NBAS: variants seen among roughly 807,000 people sequenced by gnomAD.
The protein encoded by NBAS is NBAS subunit of NRZ tethering complex, also known as NAG/BC035112 fusion.
A neutral mutation model predicts 302.5 loss-of-function variants in NBAS; 219 were observed. That is an observed-to-expected ratio of 0.72 (90% CI 0.65 to 0.81). The LOEUF is 0.81. Among genes scored for constraint, NBAS ranks in the 30% least tolerant of loss-of-function variants. The pLI is 0.00. For missense variants in NBAS, 2,932 were observed against 2,841.6 expected (o/e 1.03, Z -0.72); for synonymous variants, 1,118 against 1,021.6 (o/e 1.09, Z -1.80).
intron 26 of NBAS, among the ~76,000 whole-genome samples, chr2:15,398,329 G>C (rs887801057): frequency 6.6e-6 from 1 of 151,990 alleles, no homozygotes; most frequent in Admixed American, 6.6e-5. Context: ...TTTTTTTGTA[G>C]AGATGGGGTC....
At chr2:14,986,591 T>C in the NBAS span, among the ~76,000 whole-genome samples, 11 of 152,156 alleles carry the variant, frequency 7.2e-5, no homozygotes, top group African/African-American at 2.7e-4. Flanking sequence ...TATTTCACAG[T>C]ACCAATTTTC....
the NBAS span, among the ~76,000 whole-genome samples, chr2:15,011,181 A>G: frequency 1.3e-5 from 2 of 152,010 alleles, no homozygotes; most frequent in Non-Finnish European, 2.9e-5. Flanking sequence ...AATTCCTGAC[A>G]TGGTTTAGGG....
intron 1 of NBAS, among the ~76,000 whole-genome samples, chr2:15,560,640 A>C (rs183584722): frequency 1.5e-3 from 230 of 151,970 alleles, no homozygotes; most frequent in African/African-American, 5.4e-3. Context: ...ATTGAAACAC[A>C]CAAGACCTGG....
At chr2:15,102,000 C>A in the NBAS span, among the ~76,000 whole-genome samples, 1 of 152,186 alleles carries the variant, frequency 6.6e-6, no homozygotes, top group South Asian at 2.1e-4. Flanking sequence ...TGACCTCCTG[C>A]CTTCAAGACC....
the NBAS span, among the ~76,000 whole-genome samples, chr2:15,003,363 G>C: frequency 6.6e-6 from 1 of 152,160 alleles, no homozygotes; most frequent in African/African-American, 2.4e-5. Flanking sequence ...TCATGCTTTT[G>C]ATAAATACAC....
intron 38 of NBAS, among the ~76,000 whole-genome samples, chr2:15,316,239 T>C (rs1395335822): frequency 6.6e-6 from 1 of 152,192 alleles, no homozygotes; most frequent in African/African-American, 2.4e-5. Context: ...AATCTATGCT[T>C]AACTCTCCCC....
rs537669800 is a variant in NBAS at position 15,225,591 on chromosome 2, T to G, written c.6237-6623A>C. Reference sequence around the variant, plus strand: ...AGCAAAGAGTTTAATAAAGTCTGAATTATGTGACATTGTTCAATATTTATA... The same window carrying G: ...AGCAAAGAGTTTAATAAAGTCTGAAGTATGTGACATTGTTCAATATTTATA... On this transcript the variant is annotated intron_variant, in intron 47 of 51. Coordinates refer to ENST00000281513, the MANE Select transcript of NBAS (RefSeq NM_015909.4). 3.9e-5 allele frequency among the ~76,000 whole-genome samples: 6 copies of G among 152,340 alleles called. No individual in the cohort carries two copies. In the South Asian group the frequency reaches 1.0e-3, roughly 26 times the overall value.
chr2:14,805,851 G>T, the NBAS span, among the ~76,000 whole-genome samples: 1 of 152,092 alleles, frequency 6.6e-6, no homozygotes, highest in South Asian at 2.1e-4. Context: ...CTACTTTCAA[G>T]CCTTCATATT....
chr2:15,352,707 C>G (rs1375944588), intron 34 of NBAS, among the ~76,000 whole-genome samples: 1 of 152,116 alleles, frequency 6.6e-6, no homozygotes, highest in African/African-American at 2.4e-5. Flanking sequence ...GCGTTCTTCC[C>G]TTTTCCGGTG....
At chr2:15,082,322 G>A in the NBAS span, among the ~76,000 whole-genome samples, 2 of 152,158 alleles carry the variant, frequency 1.3e-5, no homozygotes, top group African/African-American at 4.8e-5. Flanking sequence ...TCACTATAAT[G>A]AGCTGAGCAT....
the NBAS span, among the ~76,000 whole-genome samples, chr2:15,146,452 A>ACGTCTTTTTC: frequency 6.6e-6 from 1 of 152,086 alleles, no homozygotes; most frequent in African/African-American, 2.4e-5. Context: ...GATAAAGGCA[A>ACGTCTTTTTC]TTTTAAAAGA....
At chr2:15,398,464 C>T (rs1675985015) in intron 26 of NBAS, among the ~76,000 whole-genome samples, 1 of 152,122 alleles carries the variant, frequency 6.6e-6, no homozygotes, top group South Asian at 2.1e-4. Flanking sequence ...TATCATTTTA[C>T]AGCTCTATTA....
At chr2:14,842,859 A>C in the NBAS span, among the ~76,000 whole-genome samples, 2 of 150,744 alleles carry the variant, frequency 1.3e-5, no homozygotes, top group Non-Finnish European at 2.9e-5. Flanking sequence ...AAAAAAAAAA[A>C]AAAAACATAT....
the NBAS span, among the ~76,000 whole-genome samples, chr2:14,848,493 C>T: frequency 6.9e-6 from 1 of 144,088 alleles, no homozygotes; most frequent in African/African-American, 2.9e-5. Flanking sequence ...GGCAGCGAGG[C>T]TGGGGGAGGG....
chr2:15,019,097 C>T, the NBAS span, among the ~76,000 whole-genome samples: 1 of 152,260 alleles, frequency 6.6e-6, no homozygotes, highest in South Asian at 2.1e-4. Context: ...ATATATCAAG[C>T]CATGTCTAAT....
the NBAS span, among the ~76,000 whole-genome samples, chr2:14,977,939 G>C: frequency 6.6e-6 from 1 of 152,006 alleles, no homozygotes; most frequent in Admixed American, 6.6e-5. Flanking sequence ...AGAGAACTTG[G>C]TGCAAATGTT....
chr2:15,432,682 T>C (rs987796662), intron 21 of NBAS, among the ~76,000 whole-genome samples: 6 of 152,194 alleles, frequency 3.9e-5, no homozygotes, highest in African/African-American at 1.4e-4. Flanking sequence ...ATTTCTATTA[T>C]TTAGCAGAGA....
intron 38 of NBAS, among the ~76,000 whole-genome samples, chr2:15,327,474 G>C (rs151304975): frequency 6.6e-6 from 1 of 152,008 alleles, no homozygotes; most frequent in African/African-American, 2.4e-5. Context: ...CATTCACTAG[G>C]AGAATCACTT....
At chr2:15,285,469 T>C (rs745416789) in intron 42 of NBAS, among the ~76,000 whole-genome samples, 2 of 152,068 alleles carry the variant, frequency 1.3e-5, no homozygotes, top group Non-Finnish European at 2.9e-5. Flanking sequence ...GCTTTCTCCT[T>C]TCCTCATTCT....
Sources: gnomAD v4.1 joint callset for allele counts (sites outside exome capture counted in the v4.1 genomes callset) on GRCh38, gnomAD v4.1.1 for gene constraint, MANE v1.5 for transcripts, NCBI Gene and HGNC (gene_info 2026-07-23, HGNC 2026-07-21) for gene names.